The following ARFGAP3 variants were observed in gnomAD, a reference collection of about 807,000 sequenced individuals.
ARFGAP3 encodes the protein ARF GTPase activating protein 3.
ARFGAP3 carries 72 observed loss-of-function variants against 75.0 expected under a neutral mutation model. The ratio of observed to expected loss-of-function variants is 0.96; its 90% confidence interval spans 0.79 to 1.17. The LOEUF (loss-of-function observed/expected upper bound fraction) is 1.17. Among genes scored for constraint, ARFGAP3 ranks in the 50% most tolerant of loss-of-function variants. The pLI, the probability that ARFGAP3 is intolerant of heterozygous loss-of-function variation, is 0.00. For synonymous variants in ARFGAP3, 221 were observed against 217.9 expected (o/e 1.01, Z -0.13); for missense variants, 620 against 626.6 (o/e 0.99, Z 0.11).
In ARFGAP3 at chr22:42,811,033, C is replaced by A; in HGVS notation, c.1065-89G>T. On this transcript the variant is annotated intron_variant, in intron 11 of 15. Transcript: ENST00000263245. Reference sequence around the variant, plus strand: ...TCACTTCCACAGATGTGGGGGATGCCTCCTTGAAGTTAATGGCAGTCACAT... The same window carrying A: ...TCACTTCCACAGATGTGGGGGATGCATCCTTGAAGTTAATGGCAGTCACAT... 12 of 1,533,936 alleles carry A rather than the reference C, an allele frequency of 7.8e-6. No individual in the cohort carries two copies. The South Asian group carries it at 1.5e-4, about 20-fold the overall frequency.
intron 7 of ARFGAP3, among the ~76,000 whole-genome samples, chr22:42,825,645 A>G (rs1272295861): frequency 6.6e-6 from 1 of 151,072 alleles, no homozygotes; most frequent in Admixed American, 6.6e-5. Context: ...AGATCGTGCC[A>G]GTGTACTCCA....
At chr22:42,801,258 C>A (rs1285477112) in intron 14 of ARFGAP3, among the ~76,000 whole-genome samples, 1 of 152,216 alleles carries the variant, frequency 6.6e-6, no homozygotes, top group East Asian at 1.9e-4. Context: ...GGATGTTTCC[C>A]AGGTTTCTGC....
At chr22:42,847,450 A>AG in intron 2 of ARFGAP3, 64 bp downstream of exon 2, 1 of 1,420,000 alleles carries the variant, frequency 7.0e-7, no homozygotes, top group Non-Finnish European at 9.8e-7. Flanking sequence ...AAAAGAAAAA[A>AG]GGGAAAAAAA....
rs1569150062 is a variant in ARFGAP3, at chr22:42,822,283, T to TAAAAG, written c.798_799insCTTTT (p.Lys267LeufsTer13). The TAAAAG allele has an allele frequency of 6.2e-7, 1 of 1,612,910 alleles. No homozygotes were observed. Among genetic ancestry groups the TAAAAG allele is most frequent in the South Asian group, 1.1e-5 (1 of 90,978 alleles). ...AATTAAACTTACATTGATTCTTCTT[T>TAAAAG]AGATACCACCTTGGCCAGGTCTTCC... On this transcript the variant is annotated frameshift_variant, in exon 9 of 16. Transcript: ENST00000263245. LOFTEE classifies it high-confidence loss of function.
At chr22:42,844,302 C>T (rs570649446) in intron 2 of ARFGAP3, among the ~76,000 whole-genome samples, 3 of 152,120 alleles carry the variant, frequency 2.0e-5, no homozygotes, top group South Asian at 2.1e-4. Flanking sequence ...CTCCCATGCT[C>T]GGCTAGGTGC....
chr22:42,830,823 C>T lies in ARFGAP3; in HGVS notation c.565+726G>A, dbSNP rs185543881. ...CATTATAAAAGTTCAGACACTTCAA[C>T]ACTATATCAAGTGAGAACTAAAAAT... On this transcript the variant is annotated intron_variant, in intron 6 of 15. Transcript: ENST00000263245. Among the ~76,000 whole-genome samples the T allele has an allele frequency of 1.6e-3, 247 of 152,322 alleles. 2 individuals are homozygous for T. The highest frequency in any genetic ancestry group is 5.7e-3 in the African/African-American group (237 of 41,560).
At chr22:42,832,500 C>T (rs1041960350) in intron 5 of ARFGAP3, among the ~76,000 whole-genome samples, 5 of 140,616 alleles carry the variant, frequency 3.6e-5, no homozygotes, top group African/African-American at 1.1e-4. Context: ...CAGTGCACTC[C>T]AACGTGGGTG....
intron 7 of ARFGAP3, among the ~76,000 whole-genome samples, chr22:42,826,655 T>C (rs1326411578): frequency 6.6e-6 from 1 of 152,068 alleles, no homozygotes; most frequent in Non-Finnish European, 1.5e-5. Flanking sequence ...CCACCTCGGC[T>C]TCATAAAGCG....
At chr22:42,811,156 C>T (rs1370717792) in intron 11 of ARFGAP3, 1 of 251,506 alleles carries the variant, frequency 4.0e-6, no homozygotes, top group Non-Finnish European at 6.3e-6. Context: ...CCTCTCTTCC[C>T]AAGCTACATG....
chr22:42,810,473 A>C (rs1925316742), intron 12 of ARFGAP3, among the ~76,000 whole-genome samples: 1 of 152,142 alleles, frequency 6.6e-6, no homozygotes, highest in African/African-American at 2.4e-5. Context: ...CAAAAATAAA[A>C]CAAAACAAAA....
At chr22:42,824,686 T>A (rs923481109) in intron 7 of ARFGAP3, among the ~76,000 whole-genome samples, 4 of 152,072 alleles carry the variant, frequency 2.6e-5, no homozygotes, top group Admixed American at 6.5e-5. Flanking sequence ...AAAATCATTA[T>A]AATTTTCCAT....
chr22:42,812,224 C>CACA (rs1925397627), intron 11 of ARFGAP3, among the ~76,000 whole-genome samples: 1 of 56,630 alleles, frequency 1.8e-5, no homozygotes, highest in Non-Finnish European at 3.2e-5. Flanking sequence ...GATACTGTCT[C>CACA]AAAAAAAAAA....
At chr22:42,827,695 A>G (rs1327350045) in intron 6 of ARFGAP3, among the ~76,000 whole-genome samples, 1 of 152,098 alleles carries the variant, frequency 6.6e-6, no homozygotes, top group Non-Finnish European at 1.5e-5. Flanking sequence ...TACCAATTAC[A>G]TCAGTGATAG....
At chr22:42,847,326 C>T (rs1191178223) in intron 2 of ARFGAP3, 188 bp downstream of exon 2, 1 of 537,384 alleles carries the variant, frequency 1.9e-6, no homozygotes, top group Non-Finnish European at 3.3e-6. Context: ...ATCATCACAC[C>T]ACAACATTTT....
intron 11 of ARFGAP3, among the ~76,000 whole-genome samples, chr22:42,816,381 C>T (rs1286352688): frequency 1.3e-5 from 2 of 152,178 alleles, no homozygotes; most frequent in African/African-American, 4.8e-5. Context: ...GATTCAAATC[C>T]ATGCCATCTG....
chr22:42,850,095 A>ATT (rs1927208184), intron 1 of ARFGAP3, among the ~76,000 whole-genome samples: 1 of 152,214 alleles, frequency 6.6e-6, no homozygotes, highest in African/African-American at 2.4e-5. Flanking sequence ...CAACAGGAGC[A>ATT]TAAAAGTACT....
rs1924735606 is a variant in ARFGAP3, at chr22:42,799,091, G to A, written c.1481C>T (p.Ser494Leu). The change falls in exon 15 of 16, where the codon TCG (serine) becomes TTG (leucine). Residue 494 changes from serine (S) to leucine (L), a missense_variant. Transcript: ENST00000263245. Reference protein sequence around the residue: ...DMAQFKQGVRSVAGKLSVFAN... With the variant: ...DMAQFKQGVRLVAGKLSVFAN... ...AAAGACGGAGAGTTTTCCAGCAACC[G>A]ATCTCACTCCCTGCTTGAACTGCGC... 3.7e-6 allele frequency: 6 copies of A among 1,614,132 alleles called. No homozygotes were observed. The highest frequency in any genetic ancestry group is 2.2e-5 in the East Asian group (1 of 44,876).
In ARFGAP3 at chr22:42,841,102, G is replaced by C. The variant is rs992373938; in HGVS notation, c.189-86C>G. On this transcript the variant is annotated intron_variant, in intron 2 of 15. Transcript: ENST00000263245. ...AGCTTTTGAGAACAAGGTTTCCTTAGGCTTTAGGATCCTAAAGAATTCTAA... is the reference window on the plus strand; with the variant it reads ...AGCTTTTGAGAACAAGGTTTCCTTACGCTTTAGGATCCTAAAGAATTCTAA... 4 of 1,526,672 alleles carry C rather than the reference G, an allele frequency of 2.6e-6. No homozygotes were observed. In the African/African-American group the frequency reaches 5.6e-5, roughly 21 times the overall value. 94.6% of individuals were successfully genotyped at this position (1,526,672 alleles called of 1,614,324 possible).
At position 42,840,230 on chromosome 22, in the gene ARFGAP3, C is replaced by G. The variant is rs570415045; in HGVS notation, c.261+714G>C. On this transcript the variant is annotated intron_variant, in intron 3 of 15. Coordinates refer to ENST00000263245, the MANE Select transcript of ARFGAP3 (RefSeq NM_014570.5). ...TACAAGCATGAGCCACCGTGCCCAG[C>G]TGGGGATCTTGTTTGTCTTGTCTGT... Among the ~76,000 whole-genome samples the G allele has an allele frequency of 7.0e-4, 107 of 152,276 alleles. 2 individuals are homozygous for G. The South Asian group carries it at 0.015, about 22-fold the overall frequency.
Sources: gnomAD v4.1 joint callset for allele counts (sites outside exome capture counted in the v4.1 genomes callset) on GRCh38, gnomAD v4.1.1 for gene constraint, MANE v1.5 for transcripts, NCBI Gene and HGNC (gene_info 2026-07-23, HGNC 2026-07-21) for gene names.